MPZL1: variants seen among roughly 807,000 people sequenced by gnomAD.
MPZL1 encodes the protein myelin protein zero like 1.
In MPZL1, 16 loss-of-function variants were observed where a neutral mutation model predicts 29.3. The observed-to-expected ratio is 0.55, with a 90% CI of 0.37 to 0.83. The LOEUF (loss-of-function observed/expected upper bound fraction) is 0.83. Among genes scored for constraint, MPZL1 ranks in the 40% least tolerant of loss-of-function variants. MPZL1 has a pLI of 0.00. For synonymous variants in MPZL1, 143 were observed against 132.0 expected, an observed-to-expected ratio of 1.08 and a Z score of -0.57; for missense variants, 279 against 332.9, an observed-to-expected ratio of 0.84 and a Z score of 1.26.
At chr1:167,726,292 T>C (rs1660145422) in intron 1 of MPZL1, among the ~76,000 whole-genome samples, 1 of 152,234 alleles carries the variant, frequency 6.6e-6, no homozygotes, top group South Asian at 2.1e-4. Context: ...GACCACCTTA[T>C]TCTAGGGTAC....
At position 167,722,199 on chromosome 1, in the gene MPZL1, C is replaced by T; in HGVS notation, c.48C>T (p.Ser16=). 2.4e-6 allele frequency: 3 copies of T among 1,238,608 alleles called. No homozygotes were observed. Among genetic ancestry groups the T allele is most frequent in the Middle Eastern group, 2.6e-4 (1 of 3,916 alleles). The allele number at this position is 1,238,608 out of a possible 1,614,324, so 76.7% of individuals were successfully genotyped here. A position where few individuals can be genotyped will look rare whatever the true frequency, so the allele number is the denominator to read the frequency against. Residue 16 remains serine, a synonymous_variant, in exon 1 of 6, where the codon AGC becomes AGT. Coordinates refer to ENST00000359523, the MANE Select transcript of MPZL1 (RefSeq NM_003953.6). The part of the protein sequence containing the change: ...GAGAVIAAPD[S]RRWLWSVLAA... ...GGGCGGTGATTGCAGCCCCAGACAG[C>T]CGGCGCTGGCTGTGGTCGGTGCTGG...
chr1:167,741,313 C>T (rs187993693), intron 1 of MPZL1, among the ~76,000 whole-genome samples: 29 of 146,450 alleles, frequency 2.0e-4, no homozygotes, highest in Admixed American at 9.0e-4. Flanking sequence ...TGAGTCACCA[C>T]GTCTAGCCTG....
At chr1:167,750,220 G>A (rs1298270343) in intron 1 of MPZL1, among the ~76,000 whole-genome samples, 2 of 150,166 alleles carry the variant, frequency 1.3e-5, no homozygotes, top group Non-Finnish European at 3.0e-5. Context: ...TCTTTTTTGA[G>A]ACGGAGTTTT....
chr1:167,755,646 C>G (rs1197474731), intron 1 of MPZL1, among the ~76,000 whole-genome samples: 1 of 152,218 alleles, frequency 6.6e-6, no homozygotes, highest in Admixed American at 6.5e-5. Flanking sequence ...TGATACAATT[C>G]AAACTAACTG....
chr1:167,749,622 A>G (rs1484059867), intron 1 of MPZL1, among the ~76,000 whole-genome samples: 1 of 152,246 alleles, frequency 6.6e-6, no homozygotes, highest in Non-Finnish European at 1.5e-5. Context: ...CTAAGAGACT[A>G]TTCTTATTTT....
chr1:167,759,218 T>C (rs1322925774), intron 1 of MPZL1, among the ~76,000 whole-genome samples: 4 of 152,216 alleles, frequency 2.6e-5, no homozygotes, highest in Non-Finnish European at 5.9e-5. Context: ...TTCAGTGACA[T>C]GGAATGTAGA....
chr1:167,752,598 T>G (rs75576776), intron 1 of MPZL1, among the ~76,000 whole-genome samples: 1,621 of 152,346 alleles, frequency 0.011, 22 homozygotes, highest in Non-Finnish European at 0.012. Context: ...AGCCAGCATC[T>G]CAATAGGAAG....
chr1:167,735,494 ATG>A (rs1419314896), intron 1 of MPZL1, among the ~76,000 whole-genome samples: 7 of 151,762 alleles, frequency 4.6e-5, no homozygotes, highest in African/African-American at 1.2e-4. Context: ...CAAGATGTGC[ATG>A]TGTGTGTGTG....
rs1433499603 is a variant in MPZL1 at position 167,791,239 on chromosome 1, A to G, written c.*3318A>G. ...CTGTTTTGTTCACTGCTCCGTCTGC[A>G]GTAAAGGGAACAGCACCTGGCACTT... On this transcript the variant is annotated 3_prime_UTR_variant, in exon 6 of 6. Coordinates refer to ENST00000359523, the MANE Select transcript of MPZL1 (RefSeq NM_003953.6). The G allele has an allele frequency of 6.6e-6, 1 of 152,266 alleles. No individual in the cohort carries two copies. Among genetic ancestry groups the G allele is most frequent in the Non-Finnish European group, 1.5e-5 (1 of 68,058 alleles). The allele number at this position is 152,266 out of a possible 1,614,324, so 9.4% of individuals were successfully genotyped here.
chr1:167,765,833 G>T (rs1661105442), intron 2 of MPZL1, 84 bp downstream of exon 2: 2 of 1,286,430 alleles, frequency 1.6e-6, no homozygotes, highest in Non-Finnish European at 1.1e-6. Flanking sequence ...TTTTCTGATG[G>T]TTCATTTCCA....
At chr1:167,725,475 T>A (rs992544617) in intron 1 of MPZL1, among the ~76,000 whole-genome samples, 12 of 152,072 alleles carry the variant, frequency 7.9e-5, no homozygotes, top group African/African-American at 2.9e-4. Flanking sequence ...TATTTATTTT[T>A]AAATTTATTT....
intron 1 of MPZL1, among the ~76,000 whole-genome samples, chr1:167,751,356 A>G (rs1660751658): frequency 6.6e-6 from 1 of 152,246 alleles, no homozygotes; most frequent in African/African-American, 2.4e-5. Context: ...ATAATCATGT[A>G]GAATTACTTA....
chr1:167,738,211 A>G (rs956120774), intron 1 of MPZL1, among the ~76,000 whole-genome samples: 26 of 152,138 alleles, frequency 1.7e-4, no homozygotes, highest in African/African-American at 5.3e-4. Flanking sequence ...GGAGTGAGCC[A>G]CCGCGCCTGG....
chr1:167,737,815 G>C (rs916013968), intron 1 of MPZL1, among the ~76,000 whole-genome samples: 4 of 152,156 alleles, frequency 2.6e-5, no homozygotes, highest in Non-Finnish European at 5.9e-5. Flanking sequence ...GCCTTTTTCT[G>C]GATCTTAAAG....
chr1:167,752,301 CA>C (rs1196192374), intron 1 of MPZL1, among the ~76,000 whole-genome samples: 11 of 152,238 alleles, frequency 7.2e-5, no homozygotes, highest in African/African-American at 2.6e-4. Context: ...TTTGCTACTT[CA>C]GGGGGATGGT....
At chr1:167,787,227 G>T (rs1262667893) in intron 5 of MPZL1, 1 of 152,098 alleles carries the variant, frequency 6.6e-6, no homozygotes, top group Non-Finnish European at 1.5e-5. Flanking sequence ...AGCAATATTT[G>T]TATTGGTCAC....
intron 1 of MPZL1, among the ~76,000 whole-genome samples, chr1:167,736,890 G>A (rs566063472): frequency 6.6e-6 from 1 of 152,136 alleles, no homozygotes; most frequent in Non-Finnish European, 1.5e-5. Context: ...ATTATCTCTG[G>A]GATGTACTTA....
intron 5 of MPZL1, among the ~76,000 whole-genome samples, chr1:167,785,413 G>A (rs1025888980): frequency 2.0e-5 from 3 of 152,246 alleles, no homozygotes; most frequent in Non-Finnish European, 2.9e-5. Context: ...GGCAAGGTCT[G>A]TTGAGGTCTG....
chr1:167,738,277 G>C (rs1006644496), intron 1 of MPZL1, among the ~76,000 whole-genome samples: 1 of 151,868 alleles, frequency 6.6e-6, no homozygotes, highest in African/African-American at 2.4e-5. Flanking sequence ...TAAATAATCA[G>C]GTCTCTACCA....
Sources: allele counts gnomAD v4.1 joint callset (sites outside exome capture counted in the v4.1 genomes callset), GRCh38; gene constraint gnomAD v4.1.1; transcripts MANE v1.5; gene names NCBI Gene and HGNC (gene_info 2026-07-23, HGNC 2026-07-21).